Variants in MYH13 observed in about 807,000 individuals in gnomAD.
MYH13 encodes myosin heavy chain 13.
MYH13 carries 177 observed loss-of-function variants against 232.1 expected under a neutral mutation model. That is an observed-to-expected ratio of 0.76 (90% CI 0.67 to 0.86). The LOEUF is 0.86. Among genes scored for constraint, MYH13 ranks in the 40% least tolerant of loss-of-function variants. MYH13 has a pLI of 0.00. For synonymous variants in MYH13, 884 were observed against 923.5 expected, an observed-to-expected ratio of 0.96 and a Z score of 0.78; for missense variants, 2,246 against 2,405.9, an observed-to-expected ratio of 0.93 and a Z score of 1.39.
At chr17:10,361,583 C>T (rs1179726992) in intron 5 of MYH13, among the ~76,000 whole-genome samples, 1 of 152,122 alleles carries the variant, frequency 6.6e-6, no homozygotes, top group Admixed American at 6.6e-5. Context: ...TGTGAGCCAC[C>T]GCACCCAGCC....
chr17:10,317,073 G>T (rs1211546634), intron 27 of MYH13, among the ~76,000 whole-genome samples: 4 of 152,142 alleles, frequency 2.6e-5, no homozygotes, highest in Admixed American at 6.5e-5. Context: ...GACATGACGT[G>T]CTGCTTCCCC....
chr17:10,307,360 A>T (rs922955882), intron 35 of MYH13, among the ~76,000 whole-genome samples: 2 of 152,256 alleles, frequency 1.3e-5, no homozygotes, highest in Non-Finnish European at 2.9e-5. Context: ...CAAGGAAATG[A>T]TGATAGACAT....
chr17:10,301,432 C>T (rs1906085639), intron 40 of MYH13, 137 bp downstream of exon 40: 2 of 1,337,526 alleles, frequency 1.5e-6, no homozygotes, highest in Non-Finnish European at 2.1e-6. Context: ...ATCTCAGGTA[C>T]CTGCTCTTAC....
chr17:10,357,621 G>A (rs2071758785), intron 8 of MYH13, 114 bp downstream of exon 8: 6 of 843,584 alleles, frequency 7.1e-6, no homozygotes, highest in Non-Finnish European at 1.1e-5. Flanking sequence ...TCAATCACTT[G>A]GGGGTAGAAA....
chr17:10,340,287 G>A, intron 17 of MYH13, 41 bp downstream of exon 17: 1 of 1,613,108 alleles, frequency 6.2e-7, no homozygotes, highest in Non-Finnish European at 8.5e-7. Flanking sequence ...ATTTCACTGG[G>A]GAGAAAAACA....
At chr17:10,331,695 T>C (rs972533538) in intron 20 of MYH13, among the ~76,000 whole-genome samples, 1 of 152,096 alleles carries the variant, frequency 6.6e-6, no homozygotes, top group Non-Finnish European at 1.5e-5. Context: ...TACTTCAGCC[T>C]CCCAAAAGCA....
intron 35 of MYH13, among the ~76,000 whole-genome samples, chr17:10,308,067 G>A (rs915874298): frequency 2.0e-5 from 3 of 152,314 alleles, no homozygotes; most frequent in East Asian, 3.9e-4. Context: ...GCTCATGCCT[G>A]TAATCCCAGA....
At chr17:10,324,756 G>GTTTTTTTTTTTTTTTTT (rs56757162) in intron 22 of MYH13, 1 of 107,768 alleles carries the variant, frequency 9.3e-6, no homozygotes. Context: ...CCATATACAT[G>GTTTTTTTTTTTTTTTTT]TTTTTTTTTT....
chr17:10,338,363 G>C (rs2071592483), intron 18 of MYH13, among the ~76,000 whole-genome samples: 1 of 152,146 alleles, frequency 6.6e-6, no homozygotes, highest in South Asian at 2.1e-4. Flanking sequence ...CAATGATGTA[G>C]TTGGTTATTG....
At chr17:10,355,987 C>CA (rs1159889889) in intron 8 of MYH13, among the ~76,000 whole-genome samples, 1 of 151,814 alleles carries the variant, frequency 6.6e-6, no homozygotes, top group Non-Finnish European at 1.5e-5. Flanking sequence ...CCCTGGCTGC[C>CA]AAAAGAACAA....
intron 18 of MYH13, among the ~76,000 whole-genome samples, chr17:10,336,858 C>A (rs905612052): frequency 3.5e-4 from 53 of 152,024 alleles, no homozygotes; most frequent in African/African-American, 1.3e-3. Context: ...CAACCCCAAA[C>A]CTAGCTCTGG....
intron 5 of MYH13, among the ~76,000 whole-genome samples, chr17:10,360,561 G>T (rs1028006856): frequency 4.6e-5 from 7 of 152,190 alleles, no homozygotes; most frequent in African/African-American, 1.4e-4. Context: ...AGCATTTATA[G>T]ATGCTGGTTG....
At chr17:10,303,546 T>C (rs770725242) in intron 37 of MYH13, 48 bp from the exon 38 acceptor site, 6 of 1,530,928 alleles carry the variant, frequency 3.9e-6, no homozygotes, top group Non-Finnish European at 5.4e-6. Flanking sequence ...TCTCCCAGGC[T>C]TCTCTCATGG....
At chr17:10,372,774 G>A (rs143107823) in intron 1 of MYH13, among the ~76,000 whole-genome samples, 1 of 152,112 alleles carries the variant, frequency 6.6e-6, no homozygotes, top group East Asian at 1.9e-4. Flanking sequence ...TTATATTCTT[G>A]TCTTTTCACC....
chr17:10,370,657 T>A (rs552703645), intron 2 of MYH13, among the ~76,000 whole-genome samples: 20 of 152,350 alleles, frequency 1.3e-4, no homozygotes, highest in African/African-American at 4.6e-4. Context: ...CGCTACTGTG[T>A]CTTGTCAGCA....
chr17:10,357,350 TAATTC>T (rs2071757040), intron 8 of MYH13, among the ~76,000 whole-genome samples: 1 of 152,192 alleles, frequency 6.6e-6, no homozygotes, highest in South Asian at 2.1e-4. Context: ...TCTGCTAACT[TAATTC>T]ACACTAAGGT....
intron 29 of MYH13, among the ~76,000 whole-genome samples, chr17:10,315,119 C>T (rs752606795): frequency 2.0e-5 from 3 of 152,074 alleles, no homozygotes; most frequent in African/African-American, 7.2e-5. Context: ...GAGGAGGTGC[C>T]CTGGCTGGAA....
intron 20 of MYH13, among the ~76,000 whole-genome samples, 197 bp downstream of exon 20, chr17:10,331,902 A>T (rs576357128): frequency 1.3e-5 from 2 of 152,104 alleles, no homozygotes; most frequent in African/African-American, 4.8e-5. Flanking sequence ...CAGGCTTCCA[A>T]TCTAAGCTTT....
intron 20 of MYH13, among the ~76,000 whole-genome samples, chr17:10,331,811 C>T (rs572195832): frequency 1.3e-5 from 2 of 152,250 alleles, no homozygotes; most frequent in South Asian, 4.1e-4. Context: ...TCTATGTTCT[C>T]CTCTCTCTTC....
Sources: gnomAD v4.1 joint callset for allele counts (sites outside exome capture counted in the v4.1 genomes callset) on GRCh38, gnomAD v4.1.1 for gene constraint, MANE v1.5 for transcripts, NCBI Gene and HGNC (gene_info 2026-07-23, HGNC 2026-07-21) for gene names.